The following KIR3DL2 variants were observed in gnomAD, a reference collection of about 807,000 sequenced individuals.
KIR3DL2 encodes the protein killer cell immunoglobulin like receptor, three Ig domains and long cytoplasmic tail 2, also known as killer cell immunoglobulin-like receptor 3DL2.
KIR3DL2 carries 42 observed loss-of-function variants against 41.6 expected under a neutral mutation model. The observed-to-expected ratio is 1.01, with a 90% confidence interval of 0.79 to 1.31. The LOEUF (loss-of-function observed/expected upper bound fraction) is 1.31. Among genes scored for constraint, KIR3DL2 ranks in the 50% most tolerant of loss-of-function variants. The pLI, the probability that KIR3DL2 is intolerant of heterozygous loss-of-function variation, is 0.00. For missense variants in KIR3DL2, 728 were observed against 576.8 expected (o/e 1.26, Z -2.68); for synonymous variants, 230 against 221.3 (o/e 1.04, Z -0.35).
rs1569527574 is a variant in KIR3DL2, at chr19:54,865,863, C to T, written c.1059C>T (p.Ile353=). ...CCTCAGTGGTCATCTTCCTCTTCAT[C>T]CTCCTCCTCTTCTTTCTCCTTTATC... ...IGTSVVIFLF[I]LLLFFLLYRW... The change falls in exon 7 of 9, where the codon ATC becomes ATT. Residue 353 remains isoleucine (I), a synonymous_variant. Coordinates refer to ENST00000326321, the MANE Select transcript of KIR3DL2 (RefSeq NM_006737.4). 3 of 1,613,818 alleles carry T rather than the reference C, an allele frequency of 1.9e-6. No individual in the cohort carries two copies. Among genetic ancestry groups the T allele is most frequent in the Non-Finnish European group, 2.5e-6 (3 of 1,179,840 alleles).
At chr19:54,864,307 T>C (rs958793932) in intron 6 of KIR3DL2, among the ~76,000 whole-genome samples, 1 of 152,136 alleles carries the variant, frequency 6.6e-6, no homozygotes, top group Non-Finnish European at 1.5e-5. Flanking sequence ...TCCAGCTTTG[T>C]TCTTTTGGCT....
intron 6 of KIR3DL2, among the ~76,000 whole-genome samples, chr19:54,860,353 A>T (rs2065084409): frequency 6.6e-6 from 1 of 152,008 alleles, no homozygotes; most frequent in East Asian, 1.9e-4. Flanking sequence ...CTGTGCATGA[A>T]ATCTATTTAT....
chr19:54,857,846 G>A (rs950985060), intron 5 of KIR3DL2, among the ~76,000 whole-genome samples: 9 of 151,682 alleles, frequency 5.9e-5, no homozygotes, highest in Non-Finnish European at 1.3e-4. Context: ...GGCCTAAAAG[G>A]CATTTTAATG....
rs2064508220 is a variant in KIR3DL2 at position 54,853,881 on chromosome 19, C to T, written c.490C>T (p.Pro164Ser). ...GCACAGAGAGGGGATCTCTGAGGAC[C>T]CCTCACGCCTCGTTGGACAGATCCA... ...FLHREGISEDPSRLVGQIHDG... is the reference protein window; with the variant it reads ...FLHREGISEDSSRLVGQIHDG... The change falls in exon 4 of 9, where the codon CCC becomes TCC. Residue 164 changes from proline (P) to serine (S), a missense_variant. Physicochemically the swap from Pro to Ser is moderately conservative, Grantham distance 74. Coordinates refer to ENST00000326321, the MANE Select transcript of KIR3DL2 (RefSeq NM_006737.4). 2.5e-6 allele frequency: 4 copies of T among 1,613,184 alleles called. No individual in the cohort carries two copies. The highest frequency in any genetic ancestry group is 2.2e-5 in the South Asian group (2 of 91,074).
At position 54,866,758 on chromosome 19, in the gene KIR3DL2, A is replaced by T. The variant is rs542413650; in HGVS notation, c.*27A>T. 2.5e-6 allele frequency: 4 copies of T among 1,609,276 alleles called. No homozygotes were observed. In the African/African-American group the frequency reaches 4.0e-5, roughly 16 times the overall value. On this transcript the variant is annotated 3_prime_UTR_variant, in exon 9 of 9. Coordinates refer to ENST00000326321, the MANE Select transcript of KIR3DL2 (RefSeq NM_006737.4). ...GAGACAACAGCCCTGTCTCAAAACC[A>T]GGTTGCCAGATCCAATGAACCAGCA...
chr19:54,861,437 G>A (rs2065174526), intron 6 of KIR3DL2, among the ~76,000 whole-genome samples: 1 of 152,056 alleles, frequency 6.6e-6, no homozygotes, highest in African/African-American at 2.4e-5. Context: ...CATGAAGTCA[G>A]GAGTTCGAGA....
rs1415430203 is a variant in KIR3DL2, at chr19:54,866,020, G to A, written c.1105+111G>A. 1.4e-5 allele frequency: 14 copies of A among 981,796 alleles called. No individual in the cohort carries two copies. The Admixed American group carries it at 2.9e-4, about 20-fold the overall frequency. 60.8% of individuals were successfully genotyped at this position (981,796 alleles called of 1,614,324 possible). ...CAGGATGGTCCCTGGCCCAAGGGAGGAGCCACAGAGGCAGGGCTTTCTAGA... is the reference window on the plus strand; with the variant it reads ...CAGGATGGTCCCTGGCCCAAGGGAGAAGCCACAGAGGCAGGGCTTTCTAGA... On this transcript the variant is annotated intron_variant, in intron 7 of 8. Transcript: ENST00000326321.
intron 3 of KIR3DL2, among the ~76,000 whole-genome samples, chr19:54,853,017 A>T (rs2064418482): frequency 6.6e-6 from 1 of 151,068 alleles, no homozygotes; most frequent in South Asian, 2.1e-4. Flanking sequence ...GGCTGAGGCA[A>T]GATAATCACT....
rs1427985424 is a variant in KIR3DL2, at chr19:54,867,181, C to G, written c.*450C>G. The G allele has an allele frequency of 5.3e-6, 1 of 189,090 alleles. No individual in the cohort carries two copies. The highest frequency in any genetic ancestry group is 2.4e-5 in the African/African-American group (1 of 41,522). The allele number at this position is 189,090 out of a possible 1,614,324, so 11.7% of individuals were successfully genotyped here. A position where few individuals can be genotyped will look rare whatever the true frequency, so the allele number is the denominator to read the frequency against. On this transcript the variant is annotated 3_prime_UTR_variant, in exon 9 of 9. Transcript: ENST00000326321. ...TTTATAACTTCAGTGTAGCTCTCTC[C>G]TCTTCAAATAAACATGTCTGCCCTC...
chr19:54,855,963 T>C lies in KIR3DL2; in HGVS notation c.949+51T>C, dbSNP rs2064736987. 3 of 1,593,716 alleles carry C rather than the reference T, an allele frequency of 1.9e-6. No homozygotes were observed. The East Asian group carries it at 6.7e-5, about 36-fold the overall frequency. On this transcript the variant is annotated intron_variant, in intron 5 of 8. Transcript: ENST00000326321. ...TGTCTTATGATCCTAGAGCCATAGC[T>C]GAGGAGCTTCCTGCCGATGATGGGG...
intron 6 of KIR3DL2, among the ~76,000 whole-genome samples, chr19:54,860,341 A>C (rs2145679653): frequency 6.6e-6 from 1 of 152,234 alleles, no homozygotes; most frequent in East Asian, 1.9e-4. Flanking sequence ...ATTGAGAAGC[A>C]TCTGTGCATG....
In KIR3DL2 at chr19:54,853,732, A is replaced by G; in HGVS notation, c.356-15A>G. ...AAAGAGAGATGCCTTCTAAACTCAC[A>G]ACTTCTCTTTCTAGGAAACCACAGA... is the stretch of plus-strand genomic sequence containing the variant. On this transcript the variant is annotated splice_polypyrimidine_tract_variant and intron_variant, in intron 3 of 8. Transcript: ENST00000326321. 1 of 1,607,504 alleles carries G rather than the reference A, an allele frequency of 6.2e-7. No homozygotes were observed. Among genetic ancestry groups the G allele is most frequent in the Non-Finnish European group, 8.5e-7 (1 of 1,176,518 alleles).
intron 6 of KIR3DL2, among the ~76,000 whole-genome samples, chr19:54,859,472 G>C (rs141533879): frequency 3.3e-3 from 441 of 135,070 alleles, no homozygotes; most frequent in South Asian, 9.0e-3. Flanking sequence ...GGGAACATCT[G>C]ATGAGGGTGG....
At chr19:54,865,939 C>T (rs1245215941) in intron 7 of KIR3DL2, 30 bp downstream of exon 7, 1 of 1,581,268 alleles carries the variant, frequency 6.3e-7, no homozygotes. Context: ...GGCCAGAGAG[C>T]TCAGGGCCAT....
intron 2 of KIR3DL2, 141 bp downstream of exon 2, chr19:54,851,396 GC>G (rs2064222118): frequency 1.6e-5 from 13 of 836,792 alleles, no homozygotes; most frequent in Non-Finnish European, 2.4e-5. Flanking sequence ...TTCTGACCTC[GC>G]CCTCCCTGGC....
chr19:54,854,224 G>C (rs1322506319), intron 4 of KIR3DL2, among the ~76,000 whole-genome samples, 178 bp downstream of exon 4: 2 of 151,672 alleles, frequency 1.3e-5, no homozygotes, highest in East Asian at 3.8e-4. Flanking sequence ...TACAGACCAG[G>C]TGTCATAACA....
intron 5 of KIR3DL2, among the ~76,000 whole-genome samples, chr19:54,857,461 C>T (rs939055939): frequency 2.0e-5 from 3 of 151,490 alleles, no homozygotes; most frequent in Non-Finnish European, 4.4e-5. Flanking sequence ...TTCCTACCAA[C>T]AGGGTACCAG....
At chr19:54,859,880 G>T (rs1402613374) in intron 6 of KIR3DL2, among the ~76,000 whole-genome samples, 430 of 151,442 alleles carry the variant, frequency 2.8e-3, no homozygotes, top group African/African-American at 1.0e-2. Flanking sequence ...TTGGCTCCTG[G>T]TACCCTTCCT....
At chr19:54,859,964 C>A (rs1444538171) in intron 6 of KIR3DL2, among the ~76,000 whole-genome samples, 1 of 151,944 alleles carries the variant, frequency 6.6e-6, no homozygotes, top group Non-Finnish European at 1.5e-5. Flanking sequence ...TACCACACCT[C>A]TTTCTCTGAA....
Sources: allele counts gnomAD v4.1 joint callset (sites outside exome capture counted in the v4.1 genomes callset), GRCh38; gene constraint gnomAD v4.1.1; transcripts MANE v1.5; gene names NCBI Gene and HGNC (gene_info 2026-07-23, HGNC 2026-07-21).